LRP1B: variants seen among roughly 807,000 people sequenced by gnomAD.
The protein encoded by LRP1B is low-density lipoprotein receptor-related protein 1B.
In LRP1B, 217 loss-of-function variants were observed where a neutral mutation model predicts 556.6. The observed-to-expected ratio is 0.39, with a 90% CI of 0.35 to 0.44. The LOEUF (loss-of-function observed/expected upper bound fraction) is 0.44. Among genes scored for constraint, LRP1B ranks in the 20% least tolerant of loss-of-function variants. The pLI, the probability that LRP1B is intolerant of heterozygous loss-of-function variation, is 1.00. For synonymous variants in LRP1B, 2,047 were observed against 1,865.8 expected, an observed-to-expected ratio of 1.10 and a Z score of -2.50; for missense variants, 5,053 against 5,620.8, an observed-to-expected ratio of 0.90 and a Z score of 3.23.
chr2:141,248,824 A>G (rs574420638), intron 4 of LRP1B, among the ~76,000 whole-genome samples: 2 of 152,312 alleles, frequency 1.3e-5, no homozygotes, highest in African/African-American at 4.8e-5. Flanking sequence ...ATCCTAGAAA[A>G]TTAGATATGT....
chr2:141,695,888 A>G (rs76585152), intron 2 of LRP1B, among the ~76,000 whole-genome samples: 4,439 of 152,076 alleles, frequency 0.029, 95 homozygotes, highest in Non-Finnish European at 0.045. Flanking sequence ...CTATAAGCAC[A>G]ATATCTTCCA....
chr2:140,712,058 C>G (rs932291336), intron 37 of LRP1B, among the ~76,000 whole-genome samples: 1 of 152,128 alleles, frequency 6.6e-6, no homozygotes, highest in Non-Finnish European at 1.5e-5. Context: ...TCTGAGCTCT[C>G]AAATGACCTT....
intron 7 of LRP1B, among the ~76,000 whole-genome samples, chr2:141,097,774 A>T (rs1358259986): frequency 6.6e-6 from 1 of 152,172 alleles, no homozygotes; most frequent in Non-Finnish European, 1.5e-5. Context: ...AGATTGGCTT[A>T]TATCATACAA....
At chr2:140,932,952 TACATATAC>T (rs1695098429) in intron 20 of LRP1B, among the ~76,000 whole-genome samples, 1 of 147,364 alleles carries the variant, frequency 6.8e-6, no homozygotes, top group Non-Finnish European at 1.5e-5. Context: ...TATACACATA[TACATATAC>T]ACATATATAT....
chr2:141,311,774 C>T (rs909875984), intron 3 of LRP1B, among the ~76,000 whole-genome samples: 1 of 152,048 alleles, frequency 6.6e-6, no homozygotes, highest in African/African-American at 2.4e-5. Context: ...TTCCCAGACT[C>T]CAGAATTGTA....
At chr2:141,878,972 T>C (rs1272958193) in intron 1 of LRP1B, among the ~76,000 whole-genome samples, 1 of 151,892 alleles carries the variant, frequency 6.6e-6, no homozygotes, top group Non-Finnish European at 1.5e-5. Context: ...AACCTTACTA[T>C]TTTTGAGAGG....
intron 41 of LRP1B, among the ~76,000 whole-genome samples, chr2:140,666,197 C>T (rs963737302): frequency 1.3e-5 from 2 of 151,138 alleles, no homozygotes; most frequent in South Asian, 2.1e-4. Context: ...GCTTCACCAT[C>T]TTGGCCAGGC....
At chr2:140,682,629 T>C (rs1685897645) in intron 41 of LRP1B, among the ~76,000 whole-genome samples, 1 of 151,866 alleles carries the variant, frequency 6.6e-6, no homozygotes, top group South Asian at 2.1e-4. Flanking sequence ...GTGCAAATCA[T>C]TTGTGGGAAC....
intron 1 of LRP1B, among the ~76,000 whole-genome samples, chr2:141,911,156 C>T (rs946983940): frequency 1.3e-5 from 2 of 151,882 alleles, no homozygotes; most frequent in Non-Finnish European, 2.9e-5. Flanking sequence ...GCTTACTGTT[C>T]ATTACAGATA....
At chr2:141,306,735 G>A (rs1015871675) in intron 3 of LRP1B, among the ~76,000 whole-genome samples, 1 of 151,674 alleles carries the variant, frequency 6.6e-6, no homozygotes, top group Non-Finnish European at 1.5e-5. Context: ...TTTCTTTTCT[G>A]ATGTAGGCAT....
intron 41 of LRP1B, among the ~76,000 whole-genome samples, chr2:140,613,815 A>G (rs1683166890): frequency 6.6e-6 from 1 of 152,110 alleles, no homozygotes; most frequent in Admixed American, 6.6e-5. Flanking sequence ...TTTCTAGCCA[A>G]TACTTGATAA....
At chr2:142,051,776 T>C (rs1030819444) in intron 1 of LRP1B, among the ~76,000 whole-genome samples, 3 of 152,072 alleles carry the variant, frequency 2.0e-5, no homozygotes, top group Non-Finnish European at 4.4e-5. Context: ...TGTTATACTT[T>C]GGAATTCCCC....
chr2:140,739,855 G>T (rs1435220568), intron 35 of LRP1B, among the ~76,000 whole-genome samples: 1 of 151,914 alleles, frequency 6.6e-6, no homozygotes, highest in African/African-American at 2.4e-5. Context: ...ACCAAAAAGT[G>T]GGCTAAAGAC....
intron 1 of LRP1B, among the ~76,000 whole-genome samples, chr2:142,018,263 C>A (rs148033492): frequency 6.6e-6 from 1 of 152,108 alleles, no homozygotes; most frequent in African/African-American, 2.4e-5. Flanking sequence ...CATGCTGTCT[C>A]CTTTTCCTGG....
At chr2:141,957,085 A>T (rs966349494) in intron 1 of LRP1B, among the ~76,000 whole-genome samples, 4 of 152,002 alleles carry the variant, frequency 2.6e-5, no homozygotes, top group African/African-American at 9.7e-5. Flanking sequence ...AGTATACATA[A>T]AGGGAATGTT....
At chr2:141,543,560 T>C (rs546617140) in intron 2 of LRP1B, among the ~76,000 whole-genome samples, 2 of 150,774 alleles carry the variant, frequency 1.3e-5, no homozygotes, top group East Asian at 2.0e-4. Flanking sequence ...TAATTTTCTT[T>C]CCTTAAAAAC....
At chr2:140,275,682 GAAT>G (rs1682642697) in intron 84 of LRP1B, among the ~76,000 whole-genome samples, 2 of 151,980 alleles carry the variant, frequency 1.3e-5, no homozygotes, top group Admixed American at 1.3e-4. Flanking sequence ...CATTCATGGG[GAAT>G]AATAACAGAA....
At chr2:141,905,293 G>C (rs941782394) in intron 1 of LRP1B, among the ~76,000 whole-genome samples, 1 of 151,846 alleles carries the variant, frequency 6.6e-6, no homozygotes, top group Non-Finnish European at 1.5e-5. Context: ...AGGCTGAGGA[G>C]TTGAATGGAG....
At chr2:141,667,051 A>G (rs1690468305) in intron 2 of LRP1B, among the ~76,000 whole-genome samples, 1 of 152,086 alleles carries the variant, frequency 6.6e-6, no homozygotes, top group Non-Finnish European at 1.5e-5. Flanking sequence ...TTAGAGAGGC[A>G]AAGTTCCTGA....
Sources: allele counts gnomAD v4.1 joint callset (sites outside exome capture counted in the v4.1 genomes callset), GRCh38; gene constraint gnomAD v4.1.1; transcripts MANE v1.5; gene names NCBI Gene and HGNC (gene_info 2026-07-23, HGNC 2026-07-21).